Variants in UQCC2 observed in about 807,000 individuals in gnomAD.
UQCC2 encodes ubiquinol-cytochrome c reductase complex assembly factor 2, also known as breast cancer-associated protein SGA-81M.
Under a neutral mutation model 19.9 loss-of-function variants are expected in UQCC2, and 21 were observed. The observed-to-expected ratio is 1.05, with a 90% confidence interval of 0.75 to 1.52. The LOEUF (loss-of-function observed/expected upper bound fraction) is 1.52, where lower values mean the gene tolerates loss of function less well. Ranked by LOEUF, UQCC2 falls within the 40% of genes most tolerant of loss-of-function variation. UQCC2 has a pLI of 0.00. For synonymous variants in UQCC2, 57 were observed against 60.9 expected (o/e 0.94, Z 0.30); for missense variants, 135 against 157.5 (o/e 0.86, Z 0.76).
intron 1 of UQCC2, among the ~76,000 whole-genome samples, chr6:33,710,290 A>G (rs1765750830): frequency 1.3e-5 from 2 of 152,044 alleles, no homozygotes; most frequent in Non-Finnish European, 2.9e-5. Context: ...ATACAACCAG[A>G]ATAGTCTTTT....
chr6:33,700,493 GGT>G lies in UQCC2; in HGVS notation c.232_233del (p.Thr78GlnfsTer23). ...YKHKYPRPRD[T>X]SFSGLSLEEY... ...CTTCCAACGACAGGCCACTGAAGCT[GGT>G]GTCTCTGGGGCGAGGGTACTGGTCA... On this transcript the variant is annotated frameshift_variant, in exon 3 of 4. Transcript: ENST00000607484. LOFTEE classifies it high-confidence loss of function. 1.2e-6 allele frequency: 2 copies of G among 1,614,172 alleles called. No homozygotes were observed. The highest frequency in any genetic ancestry group is 1.7e-6 in the Non-Finnish European group (2 of 1,180,028).
intron 1 of UQCC2, among the ~76,000 whole-genome samples, chr6:33,706,486 T>C (rs958054301): frequency 6.6e-6 from 1 of 151,846 alleles, no homozygotes; most frequent in African/African-American, 2.4e-5. Context: ...CCCGGGGCAA[T>C]GTGTAAGTGA....
chr6:33,705,910 T>C (rs956762499), intron 1 of UQCC2, among the ~76,000 whole-genome samples: 17 of 152,210 alleles, frequency 1.1e-4, no homozygotes, highest in South Asian at 2.1e-4. Context: ...GTGGGGACAT[T>C]ATGAAAAATT....
intron 3 of UQCC2, among the ~76,000 whole-genome samples, chr6:33,700,016 C>T (rs541906953): frequency 1.3e-5 from 2 of 152,194 alleles, no homozygotes; most frequent in African/African-American, 4.8e-5. Flanking sequence ...ATCTAACCCA[C>T]AGACCACGTC....
At position 33,701,219 on chromosome 6, in the gene UQCC2, A is replaced by T. The variant is rs1402808935; in HGVS notation, c.213+127T>A. ...AGGCACCTCTGTTGGCTTGGTTGAA[A>T]TTACTGGTTTCATTTGAACGCAGCA... is the stretch of plus-strand genomic sequence containing the variant. On this transcript the variant is annotated intron_variant, in intron 2 of 3. Transcript: ENST00000607484. The T allele has an allele frequency of 1.1e-5, 11 of 1,002,726 alleles. No homozygotes were observed. In the East Asian group the frequency reaches 2.9e-4, roughly 27 times the overall value. 62.1% of individuals were successfully genotyped at this position (1,002,726 alleles called of 1,614,324 possible). A position where few individuals can be genotyped will look rare whatever the true frequency, so the allele number is the denominator to read the frequency against.
intron 1 of UQCC2, among the ~76,000 whole-genome samples, chr6:33,709,374 A>G (rs1489828568): frequency 2.0e-5 from 3 of 152,248 alleles, no homozygotes; most frequent in African/African-American, 7.2e-5. Context: ...CTCATGAGCC[A>G]CAACCAATTA....
chr6:33,711,515 C>T, intron 1 of UQCC2, 34 bp downstream of exon 1: 1 of 1,573,152 alleles, frequency 6.4e-7, no homozygotes, highest in Non-Finnish European at 8.6e-7. Context: ...TCGTCCTTTC[C>T]TCCCCTCGTC....
At chr6:33,702,012 TTTTG>T (rs367788964) in intron 1 of UQCC2, among the ~76,000 whole-genome samples, 94 of 152,046 alleles carry the variant, frequency 6.2e-4, no homozygotes, top group African/African-American at 2.0e-3. Flanking sequence ...CAGTAGATTC[TTTTG>T]TTTTTTTTGA....
At chr6:33,707,224 G>T (rs915475225) in intron 1 of UQCC2, among the ~76,000 whole-genome samples, 1 of 152,226 alleles carries the variant, frequency 6.6e-6, no homozygotes, top group Non-Finnish European at 1.5e-5. Context: ...TCTTAGAGAT[G>T]ATTCTCCTTA....
chr6:33,710,029 C>T (rs997949327), intron 1 of UQCC2, among the ~76,000 whole-genome samples: 2 of 152,100 alleles, frequency 1.3e-5, no homozygotes, highest in African/African-American at 4.8e-5. Context: ...TAAATGGCAC[C>T]ATCTTAGACC....
At chr6:33,710,340 T>A (rs1765751566) in intron 1 of UQCC2, among the ~76,000 whole-genome samples, 1 of 152,086 alleles carries the variant, frequency 6.6e-6, no homozygotes, top group South Asian at 2.1e-4. Flanking sequence ...TCACTAAACA[T>A]CCCCAGTGAC....
At chr6:33,702,422 A>C (rs1023107029) in intron 1 of UQCC2, among the ~76,000 whole-genome samples, 4 of 152,226 alleles carry the variant, frequency 2.6e-5, no homozygotes, top group Non-Finnish European at 4.4e-5. Context: ...AACATGAAGA[A>C]GGCAACATTT....
In UQCC2 at chr6:33,697,267, G is replaced by T. The variant is rs779010521; in HGVS notation, c.*386C>A. 13 of 177,612 alleles carry T rather than the reference G, an allele frequency of 7.3e-5. No homozygotes were observed. The highest frequency in any genetic ancestry group is 1.8e-4 in the South Asian group (1 of 5,630). 11.0% of individuals were successfully genotyped at this position (177,612 alleles called of 1,614,324 possible). ...TTTTCAGTATTTACTGCTATTTTTGGCTTCCTCCCAGGAGCTCCTACAACA... is the reference window on the plus strand; with the variant it reads ...TTTTCAGTATTTACTGCTATTTTTGTCTTCCTCCCAGGAGCTCCTACAACA... On this transcript the variant is annotated 3_prime_UTR_variant, in exon 4 of 4. Coordinates refer to ENST00000607484, the MANE Select transcript of UQCC2 (RefSeq NM_032340.4).
At chr6:33,705,225 G>T (rs555018770) in intron 1 of UQCC2, among the ~76,000 whole-genome samples, 13 of 152,146 alleles carry the variant, frequency 8.5e-5, no homozygotes, top group African/African-American at 2.9e-4. Context: ...TAGAGATGGG[G>T]TTTCACCGTG....
At chr6:33,702,898 C>T (rs1203481690) in intron 1 of UQCC2, among the ~76,000 whole-genome samples, 1 of 152,204 alleles carries the variant, frequency 6.6e-6, no homozygotes, top group African/African-American at 2.4e-5. Flanking sequence ...CCCTACTTTA[C>T]AGCAAACAAA....
rs10025 is a variant in UQCC2, at chr6:33,711,564, C to T, written c.123G>A (p.Glu41=). The T allele has an allele frequency of 1.7e-3, 2,724 of 1,609,588 alleles. 52 individuals are homozygous for T. The African/African-American group carries it at 0.029, about 17-fold the overall frequency. The change falls in exon 1 of 4, where the codon GAG becomes GAA. Residue 41 remains glutamate, a synonymous_variant. Coordinates refer to ENST00000607484, the MANE Select transcript of UQCC2 (RefSeq NM_032340.4). ...CGCCGGTCACCTGGGTATTCTCTCC[C>T]TCCCGAAAGGCCTGTGCTACCCGCT... ...LRQRVAQAFR[E]GENTQVAEPE...
Position 33,705,492 on chromosome 6 carries a change from G to A in UQCC2, c.139-4072C>T, listed in dbSNP as rs138461089. Among the ~76,000 whole-genome samples the A allele has an allele frequency of 5.9e-5, 9 of 152,284 alleles. No homozygotes were observed. The East Asian group carries it at 1.5e-3, about 26-fold the overall frequency. On this transcript the variant is annotated intron_variant, in intron 1 of 3. Coordinates refer to ENST00000607484, the MANE Select transcript of UQCC2 (RefSeq NM_032340.4). ...CTGAGGTCAGAAGGTGTCTAACTGAGGCTGTAAAAGCAGCTCAGTGGAGGT... is the reference window on the plus strand; with the variant it reads ...CTGAGGTCAGAAGGTGTCTAACTGAAGCTGTAAAAGCAGCTCAGTGGAGGT...
intron 2 of UQCC2, 134 bp downstream of exon 2, chr6:33,701,212 G>C (rs1035695256): frequency 1.6e-5 from 15 of 913,042 alleles, no homozygotes; most frequent in Non-Finnish European, 2.4e-5. Flanking sequence ...CTGTTGGCTT[G>C]GTTGAAATTA....
intron 1 of UQCC2, 140 bp from the exon 2 acceptor site, chr6:33,701,560 G>A (rs912336267): frequency 1.4e-6 from 1 of 729,986 alleles, no homozygotes; most frequent in East Asian, 2.9e-5. Flanking sequence ...CCACTCTGCG[G>A]GAAGCAAACC....
Sources: gnomAD v4.1 joint callset for allele counts (sites outside exome capture counted in the v4.1 genomes callset) on GRCh38, gnomAD v4.1.1 for gene constraint, MANE v1.5 for transcripts, NCBI Gene and HGNC (gene_info 2026-07-23, HGNC 2026-07-21) for gene names.